Variants in RBFOX3 observed in about 807,000 individuals in gnomAD.
The protein encoded by RBFOX3 is RNA binding protein fox-1 homolog 3.
A neutral mutation model predicts 48.7 loss-of-function variants in RBFOX3; 17 were observed. The observed-to-expected ratio is 0.35, with a 90% confidence interval of 0.24 to 0.52. The LOEUF is 0.52. Among genes scored for constraint, RBFOX3 ranks in the 20% least tolerant of loss-of-function variants. The pLI is 0.94. For synonymous variants in RBFOX3, 212 were observed against 209.5 expected (o/e 1.01, Z -0.10); for missense variants, 382 against 497.5 (o/e 0.77, Z 2.21).
chr17:79,100,031 A>G (rs2146408741), intron 9 of RBFOX3: 1 of 152,262 alleles, frequency 6.6e-6, no homozygotes, highest in South Asian at 2.1e-4. Flanking sequence ...TTGAGATGAA[A>G]CGGCTCTTGC....
At chr17:79,620,573 G>GCACACACGCACGCA in the RBFOX3 span, among the ~76,000 whole-genome samples, 1 of 84,942 alleles carries the variant, frequency 1.2e-5, no homozygotes, top group Non-Finnish European at 2.7e-5. Context: ...ACCCGCGCGT[G>GCACACACGCACGCA]CACACACGCA....
intron 2 of RBFOX3, among the ~76,000 whole-genome samples, chr17:79,355,170 C>T (rs371837100): frequency 2.0e-5 from 3 of 152,170 alleles, no homozygotes; most frequent in Admixed American, 6.5e-5. Flanking sequence ...ACACGGGGTT[C>T]GGCACTTGTG....
intron 4 of RBFOX3, among the ~76,000 whole-genome samples, chr17:79,121,267 G>A (rs953622739): frequency 6.6e-6 from 1 of 151,874 alleles, no homozygotes; most frequent in African/African-American, 2.4e-5. Flanking sequence ...CACATCTCTG[G>A]CAATTCGCCC....
At chr17:79,156,387 G>T (rs1302975471) in intron 4 of RBFOX3, among the ~76,000 whole-genome samples, 1 of 152,078 alleles carries the variant, frequency 6.6e-6, no homozygotes, top group South Asian at 2.1e-4. Context: ...GGTTGGGAGG[G>T]TCCCCATTCC....
chr17:79,158,951 CCCAA>C (rs1312015741), intron 4 of RBFOX3, among the ~76,000 whole-genome samples: 1 of 152,142 alleles, frequency 6.6e-6, no homozygotes, highest in Non-Finnish European at 1.5e-5. Context: ...TGCTGTAAGC[CCCAA>C]CCGACACTGC....
intron 1 of RBFOX3, among the ~76,000 whole-genome samples, chr17:79,560,723 G>A (rs2092154900): frequency 6.6e-6 from 1 of 152,162 alleles, no homozygotes; most frequent in African/African-American, 2.4e-5. Flanking sequence ...TCCATCCACA[G>A]ATGCCCCCAC....
At chr17:79,330,413 G>A (rs2080070625) in intron 2 of RBFOX3, among the ~76,000 whole-genome samples, 1 of 151,948 alleles carries the variant, frequency 6.6e-6, no homozygotes, top group South Asian at 2.1e-4. Context: ...CACTGTCATG[G>A]TCAAAATCCC....
At chr17:79,258,231 A>G (rs1037105530) in intron 3 of RBFOX3, among the ~76,000 whole-genome samples, 1 of 152,224 alleles carries the variant, frequency 6.6e-6, no homozygotes, top group South Asian at 2.1e-4. Context: ...CTCAGGGCTG[A>G]CCCAGTGCAG....
At chr17:79,272,196 G>C (rs950429546) in intron 3 of RBFOX3, among the ~76,000 whole-genome samples, 1 of 152,208 alleles carries the variant, frequency 6.6e-6, no homozygotes, top group Non-Finnish European at 1.5e-5. Flanking sequence ...ACAGGCAGCA[G>C]CCGCCGTTGC....
At chr17:79,319,968 G>A (rs56314914) in intron 2 of RBFOX3, among the ~76,000 whole-genome samples, 69,108 of 102,602 alleles carry the variant, frequency 0.67, 24,294 homozygotes, top group Non-Finnish European at 0.7. Flanking sequence ...GGTCTTGTCC[G>A]GGCTGCTGGT....
intron 3 of RBFOX3, among the ~76,000 whole-genome samples, chr17:79,301,262 T>A (rs9896146): frequency 0.58 from 87,628 of 152,094 alleles, 25,691 homozygotes; most frequent in East Asian, 0.89. Context: ...CCAAGCCCTT[T>A]AACAGGTCCA....
intron 3 of RBFOX3, among the ~76,000 whole-genome samples, chr17:79,296,945 C>A (rs1274082530): frequency 5.6e-5 from 8 of 141,604 alleles, no homozygotes; most frequent in Admixed American, 4.9e-4. Context: ...CTCCCTCCTC[C>A]TCCTCTTCCT....
At chr17:79,463,283 A>G (rs1301624593) in intron 2 of RBFOX3, among the ~76,000 whole-genome samples, 4 of 67,720 alleles carry the variant, frequency 5.9e-5, no homozygotes, top group Admixed American at 1.5e-4. Flanking sequence ...CACCTCCACC[A>G]CCATCACCAC....
At chr17:79,547,948 C>T (rs1555792452) in intron 1 of RBFOX3, among the ~76,000 whole-genome samples, 1 of 152,212 alleles carries the variant, frequency 6.6e-6, no homozygotes, top group African/African-American at 2.4e-5. Context: ...GGAGGCCCTG[C>T]CGAGGGCTGG....
intron 2 of RBFOX3, among the ~76,000 whole-genome samples, chr17:79,445,867 G>A (rs988898527): frequency 6.6e-6 from 1 of 152,206 alleles, no homozygotes; most frequent in East Asian, 1.9e-4. Flanking sequence ...CTCTGAGTCT[G>A]ACTGGTGGAC....
At chr17:79,488,443 C>G (rs1438165348) in intron 1 of RBFOX3, among the ~76,000 whole-genome samples, 1 of 152,156 alleles carries the variant, frequency 6.6e-6, no homozygotes, top group Non-Finnish European at 1.5e-5. Flanking sequence ...CAGTGCAGGA[C>G]TTGAATTCTG....
chr17:79,516,573 G>A (rs1401749496), intron 1 of RBFOX3, among the ~76,000 whole-genome samples: 1 of 152,268 alleles, frequency 6.6e-6, no homozygotes, highest in East Asian at 1.9e-4. Flanking sequence ...CCCCAGAGGA[G>A]GTCCTGGGAC....
At chr17:79,240,485 A>G (rs555114557) in intron 3 of RBFOX3, among the ~76,000 whole-genome samples, 1 of 152,262 alleles carries the variant, frequency 6.6e-6, no homozygotes, top group South Asian at 2.1e-4. Context: ...GATAAAGTCA[A>G]TTTCTTAGCA....
chr17:79,609,188 C>CT lies in RBFOX3; in HGVS notation c.-320+1637dup, dbSNP rs1235088351. 6.4e-3 allele frequency among the ~76,000 whole-genome samples: 969 copies of CT among 152,088 alleles called. 54 individuals are homozygous for CT. In the East Asian group the frequency reaches 0.15, roughly 23 times the overall value. ...AGCAGGTTCTGCCGCAATGTTTATA[C>CT]TTTTTTTTTCCATTATGTTTTGCAG... On this transcript the variant is annotated intron_variant, in intron 1 of 14. Transcript: ENST00000693108.
Sources: allele counts gnomAD v4.1 joint callset (sites outside exome capture counted in the v4.1 genomes callset), GRCh38; gene constraint gnomAD v4.1.1; transcripts MANE v1.5; gene names NCBI Gene and HGNC (gene_info 2026-07-23, HGNC 2026-07-21).